Variants in NRXN1 observed in about 807,000 individuals in gnomAD.
NRXN1 encodes neurexin-1.
In NRXN1, 39 loss-of-function variants were observed where a neutral mutation model predicts 150.9. The observed-to-expected ratio is 0.26, with a 90% CI of 0.20 to 0.34. NRXN1 has a LOEUF of 0.34. NRXN1 is among the 10% of genes least tolerant of loss of function. NRXN1 has a pLI of 1.00. For synonymous variants in NRXN1, 924 were observed against 757.0 expected (o/e 1.22, Z -3.62); for missense variants, 1,815 against 1,949.9 (o/e 0.93, Z 1.30).
chr2:50,581,670 A>G (rs939959876), intron 8 of NRXN1, among the ~76,000 whole-genome samples: 2 of 152,220 alleles, frequency 1.3e-5, no homozygotes, highest in African/African-American at 4.8e-5. Flanking sequence ...GAATGTCATG[A>G]TGATGACAGA....
At chr2:50,448,726 C>T (rs1389083289) in intron 17 of NRXN1, among the ~76,000 whole-genome samples, 8 of 152,080 alleles carry the variant, frequency 5.3e-5, no homozygotes, top group Admixed American at 2.0e-4. Flanking sequence ...TAAAGAGCAC[C>T]GGAGTGGATT....
intron 14 of NRXN1, among the ~76,000 whole-genome samples, chr2:50,496,727 G>GC (rs2091651331): frequency 6.6e-6 from 1 of 152,126 alleles, no homozygotes; most frequent in Non-Finnish European, 1.5e-5. Context: ...CATACGGGTG[G>GC]CAGAAGTATA....
At chr2:50,486,177 A>T (rs79150744) in intron 15 of NRXN1, among the ~76,000 whole-genome samples, 3,008 of 152,310 alleles carry the variant, frequency 0.02, 106 homozygotes, top group African/African-American at 0.069. Flanking sequence ...AGGACATCAT[A>T]CTTATTTAAT....
intron 8 of NRXN1, 61 bp from the exon 9 acceptor site, chr2:50,553,086 A>G: frequency 8.4e-7 from 1 of 1,189,552 alleles, no homozygotes; most frequent in East Asian, 2.4e-5. Flanking sequence ...GAAACTTGTG[A>G]ACAGCTCATG....
intron 2 of NRXN1, among the ~76,000 whole-genome samples, chr2:51,027,006 A>ACC (rs1670598070): frequency 6.6e-6 from 1 of 151,994 alleles, no homozygotes; most frequent in South Asian, 2.1e-4. Flanking sequence ...AGTGACCAGA[A>ACC]CCACGTGGGG....
In NRXN1 at chr2:50,307,950, G is replaced by A. The variant is rs116400174; in HGVS notation, c.3365-70980C>T. Among the ~76,000 whole-genome samples, 542 of 152,256 alleles carry A rather than the reference G, an allele frequency of 3.6e-3. 3 individuals are homozygous for A. Among genetic ancestry groups the A allele is most frequent in the African/African-American group, 0.013 (521 of 41,560 alleles). Reference sequence around the variant, plus strand: ...GTTTTATGAGCACTGTATTTAAGCTGACATTCAACTTTTAAAAATTGTACG... The same window carrying A: ...GTTTTATGAGCACTGTATTTAAGCTAACATTCAACTTTTAAAAATTGTACG... On this transcript the variant is annotated intron_variant, in intron 17 of 22. Transcript: ENST00000401669.
rs866550678 is a variant in NRXN1, at chr2:51,013,820, T to C, written c.772+13682A>G. Among the ~76,000 whole-genome samples the C allele has an allele frequency of 4.1e-4, 62 of 152,190 alleles. No individual in the cohort carries two copies. The Middle Eastern group carries it at 0.024, about 58-fold the overall frequency. ...ACCAGCACAATTTTGTTCAAATCCA[T>C]TTCCATTGTTTAGTCCTCTGTGGAC... On this transcript the variant is annotated intron_variant, in intron 2 of 22. Transcript: ENST00000401669.
intron 5 of NRXN1, among the ~76,000 whole-genome samples, chr2:50,700,591 G>C (rs1441508224): frequency 6.6e-6 from 1 of 152,082 alleles, no homozygotes; most frequent in Non-Finnish European, 1.5e-5. Context: ...ACAAGTCCTT[G>C]GAATCTTTCT....
intron 8 of NRXN1, among the ~76,000 whole-genome samples, chr2:50,587,989 T>C (rs1673451165): frequency 6.6e-6 from 1 of 152,164 alleles, no homozygotes; most frequent in Non-Finnish European, 1.5e-5. Context: ...TCTTTGTGAG[T>C]GCCTATTATA....
At chr2:49,961,629 T>C (rs1675972997) in intron 21 of NRXN1, among the ~76,000 whole-genome samples, 1 of 152,124 alleles carries the variant, frequency 6.6e-6, no homozygotes, top group Admixed American at 6.5e-5. Context: ...TTTTGAAAAA[T>C]ATTCAGTGAA....
chr2:50,806,289 T>C (rs774023133), intron 5 of NRXN1, among the ~76,000 whole-genome samples: 42 of 152,274 alleles, frequency 2.8e-4, no homozygotes, highest in Admixed American at 4.6e-4. Context: ...AGTTAAGAAA[T>C]GTTTTGTAAC....
chr2:50,056,940 T>G (rs1465964665), intron 19 of NRXN1, among the ~76,000 whole-genome samples: 1 of 151,982 alleles, frequency 6.6e-6, no homozygotes, highest in Non-Finnish European at 1.5e-5. Flanking sequence ...CATGCTAGAG[T>G]CTTCCAATCA....
chr2:50,022,667 T>C (rs1202909113), intron 21 of NRXN1: 1 of 152,232 alleles, frequency 6.6e-6, no homozygotes, highest in Non-Finnish European at 1.5e-5. Context: ...GTTTGATTTA[T>C]TTCTTCATAC....
chr2:50,860,063 C>T (rs1227182346), intron 5 of NRXN1, among the ~76,000 whole-genome samples: 1 of 151,970 alleles, frequency 6.6e-6, no homozygotes, highest in East Asian at 1.9e-4. Context: ...AAATTATCCT[C>T]ATTCTTGTTC....
At chr2:50,462,109 G>T (rs911092008) in intron 17 of NRXN1, among the ~76,000 whole-genome samples, 1 of 151,880 alleles carries the variant, frequency 6.6e-6, no homozygotes, top group Middle Eastern at 3.2e-3. Flanking sequence ...AAATTCTTCT[G>T]CAAGATGCAT....
At chr2:50,498,181 A>AT (rs1239231610) in intron 13 of NRXN1, among the ~76,000 whole-genome samples, 1 of 152,118 alleles carries the variant, frequency 6.6e-6, no homozygotes, top group African/African-American at 2.4e-5. Flanking sequence ...GGAAAAAAAA[A>AT]TGTGACTATA....
chr2:50,197,666 T>C (rs1429055772), intron 18 of NRXN1, among the ~76,000 whole-genome samples: 2 of 152,158 alleles, frequency 1.3e-5, no homozygotes, highest in Non-Finnish European at 2.9e-5. Context: ...CTTAATTCTC[T>C]TCTGTAAGTA....
chr2:50,183,965 G>A (rs982296071), intron 18 of NRXN1, among the ~76,000 whole-genome samples: 5 of 152,036 alleles, frequency 3.3e-5, no homozygotes, highest in East Asian at 1.9e-4. Context: ...ATTATAGCAA[G>A]TACATTCGCA....
chr2:50,009,138 T>C (rs569130931), intron 21 of NRXN1, among the ~76,000 whole-genome samples: 14 of 152,100 alleles, frequency 9.2e-5, no homozygotes, highest in Non-Finnish European at 1.5e-4. Context: ...TAGAAGTAAA[T>C]AGTATTTATG....
Sources: allele counts gnomAD v4.1 joint callset (sites outside exome capture counted in the v4.1 genomes callset), GRCh38; gene constraint gnomAD v4.1.1; transcripts MANE v1.5; gene names NCBI Gene and HGNC (gene_info 2026-07-23, HGNC 2026-07-21).